Variants in SVOP observed in about 807,000 individuals in gnomAD.
The protein encoded by SVOP is SV2 related protein.
Under a neutral mutation model 69.1 loss-of-function variants are expected in SVOP, and 17 were observed. The observed-to-expected ratio is 0.25, with a 90% confidence interval of 0.17 to 0.37. The LOEUF (loss-of-function observed/expected upper bound fraction) is 0.37, where lower values mean the gene tolerates loss of function less well. Among genes scored for constraint, SVOP ranks in the 10% least tolerant of loss-of-function variants. The pLI is 1.00. For missense variants in SVOP, 435 were observed against 597.5 expected (o/e 0.73, Z 2.84); for synonymous variants, 238 against 238.6 (o/e 1.00, Z 0.02).
chr12:108,960,114 T>G (rs914477338), intron 6 of SVOP, among the ~76,000 whole-genome samples: 4 of 152,342 alleles, frequency 2.6e-5, no homozygotes, highest in African/African-American at 7.2e-5. Context: ...CAACACGCAT[T>G]TTCTATAATG....
In SVOP at chr12:108,912,705, CTGCCAGAGTCAGG is replaced by C. The variant is rs1455969944; in HGVS notation, c.1464_1476del (p.Tyr488Ter). 1 of 1,613,980 alleles carries C rather than the reference CTGCCAGAGTCAGG, an allele frequency of 6.2e-7. No individual in the cohort carries two copies. Among genetic ancestry groups the C allele is most frequent in the Admixed American group, 1.7e-5 (1 of 60,028 alleles). ...GCCAGGAGGCAGCAGCCACTGTAAA[CTGCCAGAGTCAGG>C]TACACAGAGGATTCCAGCATCACCT... is the stretch of plus-strand genomic sequence containing the variant. On this transcript the variant is annotated frameshift_variant, in exon 16 of 16. Coordinates refer to ENST00000610966, the MANE Select transcript of SVOP (RefSeq NM_018711.5). LOFTEE classifies it high-confidence loss of function.
At chr12:108,974,121 C>T (rs905758177) in intron 4 of SVOP, among the ~76,000 whole-genome samples, 2 of 152,158 alleles carry the variant, frequency 1.3e-5, no homozygotes, top group Admixed American at 1.3e-4. Context: ...TCCTTCAGTT[C>T]CTCAAAACTT....
intron 5 of SVOP, among the ~76,000 whole-genome samples, chr12:108,964,924 T>C (rs2040036636): frequency 6.6e-6 from 1 of 152,208 alleles, no homozygotes; most frequent in Non-Finnish European, 1.5e-5. Context: ...TAAGCATGTA[T>C]TGAGCACCTG....
At chr12:108,980,120 G>A (rs1408078562) in intron 2 of SVOP, among the ~76,000 whole-genome samples, 1 of 152,184 alleles carries the variant, frequency 6.6e-6, no homozygotes, top group Non-Finnish European at 1.5e-5. Context: ...CAAGGTTGCA[G>A]TGAGCTGTGA....
chr12:108,969,192 ACT>A (rs1469146310), intron 5 of SVOP, among the ~76,000 whole-genome samples: 2 of 151,516 alleles, frequency 1.3e-5, no homozygotes, highest in Non-Finnish European at 2.9e-5. Context: ...AACAAAAATG[ACT>A]CTGTTTTATT....
intron 5 of SVOP, 94 bp from the exon 6 acceptor site, chr12:108,961,141 T>C: frequency 2.1e-6 from 3 of 1,421,748 alleles, no homozygotes; most frequent in Non-Finnish European, 2.8e-6. Context: ...TGGGGTCACA[T>C]TAAAGGGAGC....
rs1347181068 is a variant in SVOP at position 108,981,992 on chromosome 12, TCAC to T, written c.196+1606_196+1608del. Among the ~76,000 whole-genome samples the T allele has an allele frequency of 2.7e-5, 4 of 150,320 alleles. No homozygotes were observed. The South Asian group carries it at 8.5e-4, about 32-fold the overall frequency. On this transcript the variant is annotated intron_variant, in intron 2 of 15. Transcript: ENST00000610966. ...ATCATCACCACCATCATCTTCATCATCACCACCATCATCACTACCATCATCATC... is the reference window on the plus strand; with the variant it reads ...ATCATCACCACCATCATCTTCATCATCACCATCATCACTACCATCATCATC...
intron 1 of SVOP, among the ~76,000 whole-genome samples, chr12:108,995,830 G>T (rs574952093): frequency 1.3e-5 from 2 of 151,768 alleles, no homozygotes; most frequent in African/African-American, 4.8e-5. Context: ...GAATCTGGGA[G>T]GGGGGAGGTT....
chr12:108,969,197 G>A lies in SVOP; in HGVS notation c.453+3208C>T, dbSNP rs191751841. 3.9e-4 allele frequency among the ~76,000 whole-genome samples: 59 copies of A among 152,006 alleles called. 1 individual carries two copies. Among genetic ancestry groups the A allele is most frequent in the African/African-American group, 1.3e-3 (52 of 41,524 alleles). On this transcript the variant is annotated intron_variant, in intron 5 of 15. Transcript: ENST00000610966. ...GCTCCATCAAAACAAAAATGACTCT[G>A]TTTTATTTTCAGAGGTGTTTTTTCT...
intron 1 of SVOP, among the ~76,000 whole-genome samples, chr12:108,993,056 G>A (rs926994611): frequency 6.6e-6 from 1 of 151,718 alleles, no homozygotes; most frequent in Admixed American, 6.6e-5. Flanking sequence ...TTTTTGAGAC[G>A]GAGTCTCACT....
chr12:108,976,895 G>A (rs1466594542), intron 4 of SVOP, among the ~76,000 whole-genome samples: 3 of 152,174 alleles, frequency 2.0e-5, no homozygotes, highest in South Asian at 2.1e-4. Flanking sequence ...GATTACAGGC[G>A]TGAGCCACTA....
Position 108,912,298 on chromosome 12 carries a change from T to G in SVOP, c.*237A>C. On this transcript the variant is annotated 3_prime_UTR_variant, in exon 16 of 16. Transcript: ENST00000610966. The stretch of plus-strand genomic sequence containing the variant: ...TAGTCTTCCCATGTAGATCCACAGG[T>G]TATGAACAAAGCTTTCACCACATAT... The G allele has an allele frequency of 7.1e-7, 1 of 1,406,712 alleles. No homozygotes were observed. Among genetic ancestry groups the G allele is most frequent in the Non-Finnish European group, 9.2e-7 (1 of 1,083,122 alleles). The allele number at this position is 1,406,712 out of a possible 1,614,324, so 87.1% of individuals were successfully genotyped here. A position where few individuals can be genotyped will look rare whatever the true frequency, so the allele number is the denominator to read the frequency against.
chr12:109,018,816 G>T (rs943990524), intron 1 of SVOP, among the ~76,000 whole-genome samples: 3 of 152,196 alleles, frequency 2.0e-5, no homozygotes, highest in Non-Finnish European at 4.4e-5. Context: ...TGTAATAATA[G>T]TAATAGCTAA....
At chr12:108,930,676 C>A (rs1593180767) in intron 11 of SVOP, among the ~76,000 whole-genome samples, 1 of 152,104 alleles carries the variant, frequency 6.6e-6, no homozygotes, top group African/African-American at 2.4e-5. Context: ...CTCAGGTGAT[C>A]CTCCCACCTC....
At chr12:108,915,570 T>G (rs1196931764) in intron 15 of SVOP, among the ~76,000 whole-genome samples, 3 of 152,222 alleles carry the variant, frequency 2.0e-5, no homozygotes, top group Non-Finnish European at 4.4e-5. Flanking sequence ...ATTGGCTACT[T>G]TCCAGCTGCA....
At chr12:108,941,171 AGATCAATGT>A (rs2039889329) in intron 7 of SVOP, among the ~76,000 whole-genome samples, 1 of 152,144 alleles carries the variant, frequency 6.6e-6, no homozygotes, top group South Asian at 2.1e-4. Flanking sequence ...TTGGTTAAGG[AGATCAATGT>A]GACCAATATT....
chr12:109,014,181 A>C (rs2135633487), intron 1 of SVOP, among the ~76,000 whole-genome samples: 1 of 151,958 alleles, frequency 6.6e-6, no homozygotes, highest in East Asian at 1.9e-4. Context: ...ACACCTGGCT[A>C]ATTTTTGTAT....
At chr12:108,984,317 G>A (rs1025918342) in intron 1 of SVOP, among the ~76,000 whole-genome samples, 10 of 152,234 alleles carry the variant, frequency 6.6e-5, no homozygotes, top group African/African-American at 1.2e-4. Flanking sequence ...CACGCCTGGT[G>A]CCAAAATTTT....
At chr12:108,970,179 GTTCA>G (rs371411607) in intron 5 of SVOP, among the ~76,000 whole-genome samples, 12 of 152,308 alleles carry the variant, frequency 7.9e-5, no homozygotes, top group African/African-American at 2.4e-4. Context: ...TTGCTGGAAC[GTTCA>G]TTCATTCATT....
Sources: gnomAD v4.1 joint callset for allele counts (sites outside exome capture counted in the v4.1 genomes callset) on GRCh38, gnomAD v4.1.1 for gene constraint, MANE v1.5 for transcripts, NCBI Gene and HGNC (gene_info 2026-07-23, HGNC 2026-07-21) for gene names.